The following MEGF11 variants were observed in gnomAD, a reference collection of about 807,000 sequenced individuals.
MEGF11 encodes the protein multiple EGF like domains 11, also known as multiple epidermal growth factor-like domains protein 11.
In MEGF11, 126 loss-of-function variants were observed where a neutral mutation model predicts 146.6. That is an observed-to-expected ratio of 0.86 (90% CI 0.74 to 1.00). The LOEUF (loss-of-function observed/expected upper bound fraction) is 1.00, where lower values mean the gene tolerates loss of function less well. MEGF11 is among the 50% of genes least tolerant of loss of function. The pLI is 0.00. For missense variants in MEGF11, 1,509 were observed against 1,521.2 expected (o/e 0.99, Z 0.13); for synonymous variants, 532 against 583.4 (o/e 0.91, Z 1.27).
intron 10 of MEGF11, among the ~76,000 whole-genome samples, chr15:65,939,492 C>CT (rs869271515): frequency 0.026 from 3,495 of 135,018 alleles, 101 homozygotes; most frequent in African/African-American, 0.061. Context: ...CAGCTCCCAA[C>CT]TTTTTTTTTT....
chr15:66,027,821 C>G (rs1169388309), intron 5 of MEGF11, among the ~76,000 whole-genome samples: 3 of 152,194 alleles, frequency 2.0e-5, no homozygotes, highest in Admixed American at 6.5e-5. Context: ...GGCTTAGGAT[C>G]AGAAACCCCA....
At chr15:65,999,555 T>C (rs2082296518) in intron 5 of MEGF11, among the ~76,000 whole-genome samples, 1 of 152,088 alleles carries the variant, frequency 6.6e-6, no homozygotes, top group Non-Finnish European at 1.5e-5. Context: ...AGACCTGGGT[T>C]CAAATCCCAC....
At chr15:65,911,400 G>T (rs1284610472) in intron 21 of MEGF11, among the ~76,000 whole-genome samples, 1 of 152,232 alleles carries the variant, frequency 6.6e-6, no homozygotes, top group African/African-American at 2.4e-5. Context: ...GTGATTTGTG[G>T]TAGGTGGTCT....
chr15:65,930,984 C>T (rs2079557246), intron 10 of MEGF11, 41 bp from the exon 11 acceptor site: 1 of 1,514,050 alleles, frequency 6.6e-7, no homozygotes. Context: ...AAGGTTGCTC[C>T]ATGTTGGATG....
chr15:66,120,501 C>G (rs2087970709), intron 3 of MEGF11, among the ~76,000 whole-genome samples: 1 of 152,200 alleles, frequency 6.6e-6, no homozygotes, highest in Non-Finnish European at 1.5e-5. Flanking sequence ...CGCCTATAGG[C>G]TGCGTTCCAT....
In MEGF11 at chr15:66,060,485, C is replaced by T. The variant is rs568292766; in HGVS notation, c.394+33917G>A. Among the ~76,000 whole-genome samples, 14 of 152,344 alleles carry T rather than the reference C, an allele frequency of 9.2e-5. No individual in the cohort carries two copies. The East Asian group carries it at 2.3e-3, about 25-fold the overall frequency. Reference sequence around the variant, plus strand: ...GCTCCATCCAGCCTCCACGCCTTTGCGCAGAAGCCTCCGAGGGATGTAGCC... The same window carrying T: ...GCTCCATCCAGCCTCCACGCCTTTGTGCAGAAGCCTCCGAGGGATGTAGCC... On this transcript the variant is annotated intron_variant, in intron 5 of 25. Transcript: ENST00000395614.
chr15:66,086,141 C>T (rs2086099921), intron 5 of MEGF11, among the ~76,000 whole-genome samples: 1 of 151,998 alleles, frequency 6.6e-6, no homozygotes, highest in Non-Finnish European at 1.5e-5. Context: ...ATGAACAAAG[C>T]CTCCAAGAAG....
intron 1 of MEGF11, among the ~76,000 whole-genome samples, chr15:66,197,505 C>T (rs1055466336): frequency 7.2e-5 from 11 of 152,194 alleles, no homozygotes; most frequent in Non-Finnish European, 1.3e-4. Context: ...TCACTACAAC[C>T]TCCGCCTCCC....
chr15:65,998,745 C>G (rs932283974), intron 5 of MEGF11, among the ~76,000 whole-genome samples: 6 of 152,066 alleles, frequency 3.9e-5, no homozygotes, highest in Non-Finnish European at 8.8e-5. Context: ...AGCTGATGGC[C>G]TCGTCAGTCA....
chr15:66,223,494 G>A lies in MEGF11; in HGVS notation c.-9+30111C>T, dbSNP rs577195404. Among the ~76,000 whole-genome samples the A allele has an allele frequency of 2.0e-5, 3 of 152,224 alleles. No homozygotes were observed. In the South Asian group the frequency reaches 6.2e-4, roughly 32 times the overall value. On this transcript the variant is annotated intron_variant, in intron 1 of 25. Transcript: ENST00000395614. The stretch of plus-strand genomic sequence containing the variant: ...ACTTTAAAATAGTGAATTGCGAGAT[G>A]GGTGGATCACTTGAGGCCAGGAGTT...
At chr15:65,940,522 C>T (rs1475933296) in intron 10 of MEGF11, among the ~76,000 whole-genome samples, 1 of 152,212 alleles carries the variant, frequency 6.6e-6, no homozygotes. Context: ...TGTCCAAATG[C>T]CAGCCACAGC....
At chr15:66,072,394 C>T (rs988817649) in intron 5 of MEGF11, among the ~76,000 whole-genome samples, 1 of 152,186 alleles carries the variant, frequency 6.6e-6, no homozygotes, top group African/African-American at 2.4e-5. Flanking sequence ...CACTTTAACC[C>T]ATCACGCCCT....
Position 66,175,144 on chromosome 15 carries a change from G to C in MEGF11, c.-8-46733C>G, listed in dbSNP as rs1156729519. On this transcript the variant is annotated intron_variant, in intron 1 of 25. Coordinates refer to ENST00000395614, the MANE Select transcript of MEGF11 (RefSeq NM_001385028.1). ...TATATAAGATCACATTGTCTACAAA[G>C]AGTGACAATTTTACTTCCTGTTTTC... Among the ~76,000 whole-genome samples, 12 of 152,282 alleles carry C rather than the reference G, an allele frequency of 7.9e-5. No individual in the cohort carries two copies. The South Asian group carries it at 2.5e-3, about 32-fold the overall frequency.
At chr15:66,203,717 A>C (rs2091228444) in intron 1 of MEGF11, among the ~76,000 whole-genome samples, 1 of 152,272 alleles carries the variant, frequency 6.6e-6, no homozygotes, top group African/African-American at 2.4e-5. Context: ...CCCAGGTTAA[A>C]CAAGACAAAG....
intron 13 of MEGF11, among the ~76,000 whole-genome samples, chr15:65,923,779 G>T (rs561457596): frequency 6.6e-6 from 1 of 152,170 alleles, no homozygotes; most frequent in East Asian, 1.9e-4. Flanking sequence ...GTCTATAATA[G>T]TCTTTTTGGG....
chr15:66,240,104 C>A (rs55676767), intron 1 of MEGF11, among the ~76,000 whole-genome samples: 1 of 152,250 alleles, frequency 6.6e-6, no homozygotes, highest in East Asian at 1.9e-4. Flanking sequence ...CCCCAGCCCC[C>A]CAATAAAGCA....
At chr15:65,978,098 C>T (rs1482127922) in intron 7 of MEGF11, among the ~76,000 whole-genome samples, 2 of 152,246 alleles carry the variant, frequency 1.3e-5, no homozygotes, top group African/African-American at 4.8e-5. Flanking sequence ...CTAGCAGCTC[C>T]TCTCTCCAGT....
At chr15:65,952,010 A>T (rs187356754) in intron 10 of MEGF11, among the ~76,000 whole-genome samples, 19 of 152,190 alleles carry the variant, frequency 1.2e-4, no homozygotes, top group South Asian at 8.3e-4. Context: ...TCTAAAAAAA[A>T]TTTTTTTTAA....
intron 5 of MEGF11, among the ~76,000 whole-genome samples, chr15:66,007,199 G>C (rs1012646166): frequency 6.6e-6 from 1 of 152,204 alleles, no homozygotes; most frequent in Non-Finnish European, 1.5e-5. Context: ...ACTACCTTAT[G>C]TTGACGGCAG....
Sources: gnomAD v4.1 joint callset for allele counts (sites outside exome capture counted in the v4.1 genomes callset) on GRCh38, gnomAD v4.1.1 for gene constraint, MANE v1.5 for transcripts, NCBI Gene and HGNC (gene_info 2026-07-23, HGNC 2026-07-21) for gene names.